STRN4: variants seen among roughly 807,000 people sequenced by gnomAD.
STRN4 encodes striatin-4.
STRN4 carries 27 observed loss-of-function variants against 77.9 expected under a neutral mutation model. That is an observed-to-expected ratio of 0.35 (90% CI 0.26 to 0.48). The LOEUF (loss-of-function observed/expected upper bound fraction) is 0.48, where lower values mean the gene tolerates loss of function less well. STRN4 is among the 20% of genes least tolerant of loss of function. STRN4 has a pLI of 0.99. For synonymous variants in STRN4, 466 were observed against 443.1 expected (o/e 1.05, Z -0.65); for missense variants, 798 against 1,049.7 (o/e 0.76, Z 3.31).
chr19:46,726,853 C>T (rs2054128828), intron 9 of STRN4, among the ~76,000 whole-genome samples: 1 of 152,180 alleles, frequency 6.6e-6, no homozygotes, highest in South Asian at 2.1e-4. Flanking sequence ...GCTCAGAACA[C>T]TGCACTTCCC....
chr19:46,736,692 G>T, intron 4 of STRN4, 131 bp downstream of exon 4: 2 of 1,008,402 alleles, frequency 2.0e-6, no homozygotes, highest in Non-Finnish European at 1.5e-6. Context: ...AGCCATTCCA[G>T]CCATGGCTGG....
intron 14 of STRN4, 144 bp from the exon 15 acceptor site, chr19:46,722,484 G>A (rs561852525): frequency 1.2e-5 from 11 of 886,632 alleles, no homozygotes; most frequent in Middle Eastern, 2.4e-4. Context: ...TCCGGTCCCC[G>A]ACCGCAGCGC....
rs867253089 is a variant in STRN4 at position 46,746,036 on chromosome 19, C to T, written c.282+113G>A. 12 of 1,227,464 alleles carry T rather than the reference C, an allele frequency of 9.8e-6. 1 individual carries two copies. The highest frequency in any genetic ancestry group is 1.2e-5 in the Non-Finnish European group (12 of 965,428). 76.0% of individuals were successfully genotyped at this position (1,227,464 alleles called of 1,614,324 possible). On this transcript the variant is annotated intron_variant, in intron 1 of 17. Transcript: ENST00000263280. ...GACCGTCGCGGTCCCCTCCCGCCCC[C>T]CCGCCGGCCGTCCCGGCGGCCATTG...
chr19:46,728,490 C>T, intron 7 of STRN4, 128 bp downstream of exon 7: 3 of 1,291,050 alleles, frequency 2.3e-6, no homozygotes, highest in South Asian at 3.1e-5. Flanking sequence ...CTTGGCTACC[C>T]TCCTCTCAGG....
At chr19:46,744,324 C>A (rs1453151475) in intron 1 of STRN4, among the ~76,000 whole-genome samples, 2 of 152,178 alleles carry the variant, frequency 1.3e-5, no homozygotes, top group East Asian at 3.9e-4. Context: ...AGCCCCAAGC[C>A]TCAGCCACCA....
At chr19:46,725,276 A>G (rs2054082539) in intron 11 of STRN4, 56 bp downstream of exon 11, 4 of 1,612,102 alleles carry the variant, frequency 2.5e-6, no homozygotes, top group Admixed American at 3.3e-5. Flanking sequence ...TGAGCAGGTC[A>G]GGAGTCAGGC....
chr19:46,738,659 T>A lies in STRN4; in HGVS notation c.386+126A>T. ...TTTCTCCCCTAGAATCTTATGGTAC[T>A]GGAATGATGGAAAAGAATGTCGACC... On this transcript the variant is annotated intron_variant, in intron 2 of 17. Transcript: ENST00000263280. The surrounding 1 kb of genome is among the most constrained non-coding windows in gnomAD (Gnocchi z 4.5). 1.1e-6 allele frequency: 1 copy of A among 896,400 alleles called. No homozygotes were observed. Among genetic ancestry groups the A allele is most frequent in the Non-Finnish European group, 1.8e-6 (1 of 550,568 alleles). 55.5% of individuals were successfully genotyped at this position (896,400 alleles called of 1,614,324 possible).
chr19:46,735,080 T>G (rs1340245573), intron 4 of STRN4, among the ~76,000 whole-genome samples: 1 of 151,690 alleles, frequency 6.6e-6, no homozygotes, highest in Non-Finnish European at 1.5e-5. Context: ...CCAAGGCAGG[T>G]GGATCACTTG....
intron 12 of STRN4, among the ~76,000 whole-genome samples, chr19:46,724,143 G>A (rs1259111549): frequency 6.6e-6 from 1 of 151,390 alleles, no homozygotes; most frequent in Admixed American, 6.6e-5. Context: ...AGCTACTCGG[G>A]AGGCTGAGGC....
At chr19:46,725,755 G>A (rs2054096825) in intron 9 of STRN4, 107 bp from the exon 10 acceptor site, 1 of 1,401,340 alleles carries the variant, frequency 7.1e-7, no homozygotes, top group South Asian at 1.4e-5. Flanking sequence ...ACATGACCCT[G>A]GCAGGAATGC....
At chr19:46,743,190 G>A (rs974407864) in intron 1 of STRN4, among the ~76,000 whole-genome samples, 10 of 152,058 alleles carry the variant, frequency 6.6e-5, no homozygotes, top group Admixed American at 1.3e-4. Flanking sequence ...GAGAAGAGCA[G>A]GAAAGGGACG....
intron 9 of STRN4, chr19:46,726,078 A>G (rs905874793): frequency 5.5e-6 from 1 of 181,282 alleles, no homozygotes; most frequent in East Asian, 1.4e-4. Context: ...ACTTCACAAG[A>G]TAAGGAGAGG....
Position 46,727,994 on chromosome 19 carries a change from G to C in STRN4, c.1053C>G (p.Val351=), listed in dbSNP as rs2054160462. 1.2e-6 allele frequency: 2 copies of C among 1,613,888 alleles called. No homozygotes were observed. Among genetic ancestry groups the C allele is most frequent in the Non-Finnish European group, 1.7e-6 (2 of 1,179,980 alleles). The part of the protein sequence containing the change: ...GSPHELESRR[V]KLQGILADLR... ...GGTCAGCCAGAATGCCTTGGAGTTT[G>C]ACCCGACGGCTTTCTGCAGGGTCGA... Residue 351 remains valine, a synonymous_variant, in exon 8 of 18, where the codon GTC becomes GTG. Transcript: ENST00000263280.
chr19:46,742,959 G>A (rs1240542791), intron 1 of STRN4, among the ~76,000 whole-genome samples: 1 of 152,224 alleles, frequency 6.6e-6, no homozygotes, highest in Non-Finnish European at 1.5e-5. Flanking sequence ...AGCCATGTCT[G>A]ATGGGGGAAA....
At chr19:46,743,342 G>C (rs1458933344) in intron 1 of STRN4, among the ~76,000 whole-genome samples, 1 of 152,130 alleles carries the variant, frequency 6.6e-6, no homozygotes, top group East Asian at 1.9e-4. Context: ...GACAGTGCTG[G>C]TACCATGCCA....
intron 16 of STRN4, 98 bp from the exon 17 acceptor site, chr19:46,720,869 G>A (rs1256291671): frequency 1.5e-6 from 2 of 1,362,744 alleles, no homozygotes; most frequent in East Asian, 5.4e-5. Context: ...GGCCTCAGGG[G>A]AAGTGGGGCT....
intron 7 of STRN4, 128 bp from the exon 8 acceptor site, chr19:46,728,135 G>T: frequency 2.3e-6 from 2 of 860,694 alleles, no homozygotes; most frequent in Non-Finnish European, 3.8e-6. Context: ...CCCTGGGGGA[G>T]GGGGGGAATG....
chr19:46,734,200 T>C (rs2054312122), intron 4 of STRN4, among the ~76,000 whole-genome samples: 1 of 152,210 alleles, frequency 6.6e-6, no homozygotes, highest in Non-Finnish European at 1.5e-5. Flanking sequence ...CCATGCAACC[T>C]TGTGTAAACA....
At chr19:46,726,897 G>A (rs576769660) in intron 9 of STRN4, among the ~76,000 whole-genome samples, 72 of 152,160 alleles carry the variant, frequency 4.7e-4, no homozygotes, top group Non-Finnish European at 9.3e-4. Flanking sequence ...CGTGCAGAGG[G>A]ACCCCATGGC....
Sources: allele counts gnomAD v4.1 joint callset (sites outside exome capture counted in the v4.1 genomes callset), GRCh38; gene constraint gnomAD v4.1.1; non-coding constraint Gnocchi (gnomAD v3.1); transcripts MANE v1.5; gene names NCBI Gene and HGNC (gene_info 2026-07-23, HGNC 2026-07-21).